The following ROBO2 variants were observed in gnomAD, a reference collection of about 807,000 sequenced individuals.
The protein encoded by ROBO2 is roundabout guidance receptor 2.
Under a neutral mutation model 160.8 loss-of-function variants are expected in ROBO2, and 53 were observed. That is an observed-to-expected ratio of 0.33 (90% confidence interval 0.26 to 0.41). The LOEUF is 0.41. ROBO2 is among the 10% of genes least tolerant of loss of function. The pLI, the probability that ROBO2 is intolerant of heterozygous loss-of-function variation, is 1.00. For missense variants in ROBO2, 1,577 were observed against 1,722.4 expected, an observed-to-expected ratio of 0.92 and a Z score of 1.49; for synonymous variants, 664 against 611.7, an observed-to-expected ratio of 1.09 and a Z score of -1.26.
At chr3:76,290,983 G>T (rs958879988) in intron 2 of ROBO2, among the ~76,000 whole-genome samples, 2 of 151,968 alleles carry the variant, frequency 1.3e-5, no homozygotes, top group African/African-American at 4.8e-5. Flanking sequence ...TCAATATTAG[G>T]GATATTAGCC....
intron 1 of ROBO2, among the ~76,000 whole-genome samples, chr3:75,933,574 C>T (rs886154544): frequency 1.3e-5 from 2 of 151,776 alleles, no homozygotes; most frequent in Non-Finnish European, 2.9e-5. Context: ...TAACTAGAGT[C>T]ACTCTTTCTA....
chr3:76,880,349 A>G (rs866378223), intron 2 of ROBO2, among the ~76,000 whole-genome samples: 1 of 152,154 alleles, frequency 6.6e-6, no homozygotes, highest in East Asian at 1.9e-4. Flanking sequence ...ATGCATATAC[A>G]TACATATAAA....
chr3:76,244,623 G>A (rs188549938), intron 2 of ROBO2, among the ~76,000 whole-genome samples: 5 of 152,142 alleles, frequency 3.3e-5, no homozygotes, highest in Admixed American at 6.5e-5. Context: ...CCTAACTTAC[G>A]GCCTAATTAA....
intron 2 of ROBO2, among the ~76,000 whole-genome samples, chr3:76,389,934 T>C (rs1448284766): frequency 6.6e-6 from 1 of 152,208 alleles, no homozygotes; most frequent in Non-Finnish European, 1.5e-5. Flanking sequence ...TATCTGTAGC[T>C]TATTGTTTTC....
At position 77,140,620 on chromosome 3, in the gene ROBO2, G is replaced by A. The variant is rs747944203; in HGVS notation, c.388+42280G>A. Among the ~76,000 whole-genome samples the A allele has an allele frequency of 1.4e-3, 211 of 152,134 alleles. 1 individual carries two copies. The highest frequency in any genetic ancestry group is 1.2e-3 in the Non-Finnish European group (84 of 67,996). On this transcript the variant is annotated intron_variant, in intron 2 of 25. Coordinates refer to ENST00000461745, the Ensembl canonical transcript of ROBO2. The stretch of plus-strand genomic sequence containing the variant: ...GAAAGTTTGTGCTCCAAGGGTCCTA[G>A]GGTATTTGAATTTCTGACCATCTAT...
chr3:77,208,459 C>T (rs2083699891), intron 2 of ROBO2, among the ~76,000 whole-genome samples: 2 of 152,112 alleles, frequency 1.3e-5, no homozygotes, highest in African/African-American at 2.4e-5. Context: ...CACAAGCCGG[C>T]ATGGTCAATA....
intron 24 of ROBO2, 75 bp downstream of exon 25, chr3:77,635,118 TAG>T: frequency 6.7e-7 from 1 of 1,500,964 alleles, no homozygotes; most frequent in South Asian, 1.2e-5. Context: ...TAGATTAATG[TAG>T]TCATGGTAGA....
chr3:76,037,781 G>A (rs2067161474), intron 2 of ROBO2, among the ~76,000 whole-genome samples: 1 of 152,022 alleles, frequency 6.6e-6, no homozygotes, highest in Non-Finnish European at 1.5e-5. Context: ...CAAAGATAGA[G>A]TGATATTATA....
intron 2 of ROBO2, among the ~76,000 whole-genome samples, chr3:77,410,712 TC>T (rs1167739123): frequency 9.9e-5 from 14 of 140,980 alleles, no homozygotes; most frequent in East Asian, 4.7e-4. Context: ...CTCCTCCTCC[TC>T]CTCTTCCTCC....
At chr3:77,027,447 A>G (rs937516946) in intron 2 of ROBO2, among the ~76,000 whole-genome samples, 2 of 152,208 alleles carry the variant, frequency 1.3e-5, no homozygotes, top group Admixed American at 6.5e-5. Context: ...ATACGCAGAA[A>G]TGATCGGTAA....
chr3:76,982,999 G>A (rs183782458), intron 2 of ROBO2, among the ~76,000 whole-genome samples: 1 of 152,246 alleles, frequency 6.6e-6, no homozygotes, highest in African/African-American at 2.4e-5. Flanking sequence ...TAATTATGAA[G>A]TGTAGACCAG....
intron 1 of ROBO2, among the ~76,000 whole-genome samples, chr3:75,928,328 AT>A (rs1947377146): frequency 1.3e-5 from 2 of 152,238 alleles, no homozygotes. Context: ...CATTTCAAAA[AT>A]ACAAACTGTT....
In ROBO2 at chr3:76,778,580, T is replaced by C. The variant is rs544404104; in HGVS notation, c.110-319434T>C. Among the ~76,000 whole-genome samples the C allele has an allele frequency of 1.9e-3, 287 of 151,210 alleles. 1 individual carries two copies. The highest frequency in any genetic ancestry group is 6.6e-3 in the African/African-American group (275 of 41,412). ...CCATAAAAAATAATCCCAATCTTAATTGATATAAGAATGACAAATAAACCT... is the reference window on the plus strand; with the variant it reads ...CCATAAAAAATAATCCCAATCTTAACTGATATAAGAATGACAAATAAACCT... On this transcript the variant is annotated intron_variant, in intron 2 of 26. Coordinates refer to the ROBO2 transcript ENST00000487694.
At chr3:77,071,226 C>G (rs983437895) in intron 1 of ROBO2, among the ~76,000 whole-genome samples, 1 of 152,034 alleles carries the variant, frequency 6.6e-6, no homozygotes, top group African/African-American at 2.4e-5. Context: ...TATACCTTCT[C>G]CTAAAGTAGG....
chr3:76,816,030 T>C (rs2065635762), intron 2 of ROBO2, among the ~76,000 whole-genome samples: 1 of 152,138 alleles, frequency 6.6e-6, no homozygotes, highest in Non-Finnish European at 1.5e-5. Context: ...TTTTCTCTGT[T>C]GAAGACGGTT....
chr3:76,158,783 T>G (rs2072509016), intron 2 of ROBO2, among the ~76,000 whole-genome samples: 1 of 152,198 alleles, frequency 6.6e-6, no homozygotes, highest in African/African-American at 2.4e-5. Context: ...GACTCTGGGA[T>G]TCTTTTCCTG....
intron 2 of ROBO2, among the ~76,000 whole-genome samples, chr3:77,033,663 GA>G (rs2149568713): frequency 6.6e-6 from 1 of 152,168 alleles, no homozygotes; most frequent in Admixed American, 6.5e-5. Flanking sequence ...AGTCATACCT[GA>G]AAGTCTAATA....
chr3:77,263,371 C>A (rs2058903375), intron 2 of ROBO2, among the ~76,000 whole-genome samples: 1 of 152,006 alleles, frequency 6.6e-6, no homozygotes, highest in Non-Finnish European at 1.5e-5. Context: ...GCCTAGTACC[C>A]ATTAGTAATT....
intron 2 of ROBO2, among the ~76,000 whole-genome samples, chr3:76,424,281 A>G (rs2076119486): frequency 6.6e-6 from 1 of 152,212 alleles, no homozygotes; most frequent in African/African-American, 2.4e-5. Context: ...TTTAAAGTGT[A>G]TGTTATTAGG....
Sources: gnomAD v4.1 joint callset for allele counts (sites outside exome capture counted in the v4.1 genomes callset) on GRCh38, gnomAD v4.1.1 for gene constraint, MANE v1.5 for transcripts, NCBI Gene and HGNC (gene_info 2026-07-23, HGNC 2026-07-21) for gene names.